The following TENM2 variants were observed in gnomAD, a reference collection of about 807,000 sequenced individuals.
TENM2 encodes the protein teneurin-2.
In TENM2, 52 loss-of-function variants were observed where a neutral mutation model predicts 245.2. The observed-to-expected ratio is 0.21, with a 90% CI of 0.17 to 0.27. The LOEUF (loss-of-function observed/expected upper bound fraction) is 0.27. TENM2 is among the 10% of genes least tolerant of loss of function. The pLI is 1.00. For missense variants in TENM2, 3,046 were observed against 3,666.8 expected, an observed-to-expected ratio of 0.83 and a Z score of 4.37; for synonymous variants, 1,363 against 1,438.9, an observed-to-expected ratio of 0.95 and a Z score of 1.19.
At chr5:168,215,104 G>C in exon 21 of TENM2, 1 of 1,613,804 alleles carries the variant, frequency 6.2e-7, no homozygotes, top group Non-Finnish European at 8.5e-7. Context: ...CTACGTGTCC[G>C]ACACCAACAG....
intron 2 of TENM2, among the ~76,000 whole-genome samples, chr5:167,550,460 C>T (rs1015336878): frequency 7.2e-5 from 11 of 152,066 alleles, no homozygotes; most frequent in Admixed American, 5.9e-4. Context: ...AAGTGGTGGG[C>T]GTTTATGGCT....
At chr5:167,244,460 T>C in the TENM2 span, among the ~76,000 whole-genome samples, 2 of 152,228 alleles carry the variant, frequency 1.3e-5, no homozygotes, top group Non-Finnish European at 2.9e-5. Context: ...AGTTTTACCA[T>C]GTGAGCCACA....
At chr5:167,047,431 A>G in the TENM2 span, among the ~76,000 whole-genome samples, 5 of 76,326 alleles carry the variant, frequency 6.6e-5, no homozygotes, top group Admixed American at 2.4e-4. Flanking sequence ...GAAAGTTCCA[A>G]ATTGATAACC....
chr5:167,842,183 G>A (rs1253299808), intron 2 of TENM2, among the ~76,000 whole-genome samples: 9 of 151,880 alleles, frequency 5.9e-5, no homozygotes, highest in Admixed American at 1.3e-4. Context: ...AGAAGCATTC[G>A]GCCTCATGGA....
At chr5:167,292,421 C>T (rs1235500524) in intron 1 of TENM2, among the ~76,000 whole-genome samples, 1 of 152,212 alleles carries the variant, frequency 6.6e-6, no homozygotes, top group Non-Finnish European at 1.5e-5. Flanking sequence ...ATGTTTACCA[C>T]ATCACACCTA....
chr5:168,011,155 C>T (rs1785190225), intron 5 of TENM2, among the ~76,000 whole-genome samples: 1 of 152,204 alleles, frequency 6.6e-6, no homozygotes, highest in African/African-American at 2.4e-5. Context: ...TGGTCAGGGT[C>T]CTAAGATGTG....
chr5:167,781,222 G>A (rs1484899700), intron 2 of TENM2, among the ~76,000 whole-genome samples: 1 of 152,044 alleles, frequency 6.6e-6, no homozygotes, highest in East Asian at 1.9e-4. Context: ...GAGGTAAAAG[G>A]ATGGCTTAAG....
At chr5:167,500,776 T>G (rs1049092861) in intron 2 of TENM2, among the ~76,000 whole-genome samples, 3 of 151,892 alleles carry the variant, frequency 2.0e-5, no homozygotes, top group Non-Finnish European at 4.4e-5. Flanking sequence ...GTGCAATAGG[T>G]GTTTGAATTC....
chr5:167,641,621 C>T (rs1384537529), intron 2 of TENM2, among the ~76,000 whole-genome samples: 1 of 152,132 alleles, frequency 6.6e-6, no homozygotes, highest in Non-Finnish European at 1.5e-5. Flanking sequence ...GTAAAAGTTA[C>T]TGAGCATCAA....
At chr5:167,146,616 G>C in the TENM2 span, among the ~76,000 whole-genome samples, 1 of 152,170 alleles carries the variant, frequency 6.6e-6, no homozygotes, top group East Asian at 1.9e-4. Flanking sequence ...TACCAACTCA[G>C]ATGATGGAGA....
the TENM2 span, among the ~76,000 whole-genome samples, chr5:167,195,874 C>T: frequency 6.6e-6 from 1 of 151,850 alleles, no homozygotes; most frequent in African/African-American, 2.4e-5. Flanking sequence ...TATTTGGATA[C>T]CAAACCTTTT....
At chr5:167,985,441 T>C (rs920955950) in intron 4 of TENM2, among the ~76,000 whole-genome samples, 9 of 152,212 alleles carry the variant, frequency 5.9e-5, no homozygotes, top group Admixed American at 4.6e-4. Context: ...CAGCGCTACG[T>C]TGAGACCATT....
At chr5:167,286,104 A>C (rs1217405680) in intron 1 of TENM2, among the ~76,000 whole-genome samples, 1 of 152,196 alleles carries the variant, frequency 6.6e-6, no homozygotes, top group African/African-American at 2.4e-5. Context: ...ACGGTTTATA[A>C]ATCTACAATC....
chr5:167,723,779 T>C (rs1386254551), intron 2 of TENM2, among the ~76,000 whole-genome samples: 2 of 152,182 alleles, frequency 1.3e-5, no homozygotes, highest in African/African-American at 4.8e-5. Flanking sequence ...AGACCAAGCA[T>C]GTAGTAGGTG....
intron 2 of TENM2, among the ~76,000 whole-genome samples, chr5:167,647,370 C>A (rs1780032391): frequency 1.3e-5 from 2 of 152,202 alleles, no homozygotes; most frequent in Admixed American, 6.5e-5. Context: ...GCCTGTAAAT[C>A]CCAGAACTTT....
chr5:167,801,995 C>T (rs754269172), intron 2 of TENM2, among the ~76,000 whole-genome samples: 6 of 151,964 alleles, frequency 3.9e-5, no homozygotes, highest in African/African-American at 4.8e-5. Flanking sequence ...CCAAGATTAG[C>T]GTGCTGGCAG....
intron 5 of TENM2, among the ~76,000 whole-genome samples, chr5:167,995,014 G>C (rs1442482494): frequency 6.6e-6 from 1 of 152,208 alleles, no homozygotes; most frequent in East Asian, 1.9e-4. Context: ...AGAAACTTCA[G>C]AAGGGGTTCC....
intron 2 of TENM2, among the ~76,000 whole-genome samples, chr5:167,570,412 A>G (rs1327943623): frequency 2.0e-5 from 3 of 152,144 alleles, no homozygotes; most frequent in African/African-American, 7.2e-5. Flanking sequence ...ACCTCTTAAA[A>G]CGGCTGTTTT....
intron 12 of TENM2, among the ~76,000 whole-genome samples, chr5:168,131,789 G>A (rs562683915): frequency 6.6e-6 from 1 of 152,160 alleles, no homozygotes; most frequent in South Asian, 2.1e-4. Context: ...ACTCTACAGT[G>A]AGATCAAGTT....
Sources: allele counts gnomAD v4.1 joint callset (sites outside exome capture counted in the v4.1 genomes callset), GRCh38; gene constraint gnomAD v4.1.1; transcripts MANE v1.5; gene names NCBI Gene and HGNC (gene_info 2026-07-23, HGNC 2026-07-21).